The following COL18A1 variants were observed in gnomAD, a reference collection of about 807,000 sequenced individuals.
COL18A1 encodes the protein collagen alpha-1(XVIII) chain.
COL18A1 carries 133 observed loss-of-function variants against 168.0 expected under a neutral mutation model. The observed-to-expected ratio is 0.79, with a 90% CI of 0.69 to 0.91. COL18A1 has a LOEUF of 0.91. Among genes scored for constraint, COL18A1 ranks in the 40% least tolerant of loss-of-function variants. The pLI, the probability that COL18A1 is intolerant of heterozygous loss-of-function variation, is 0.00. For synonymous variants in COL18A1, 949 were observed against 809.0 expected, an observed-to-expected ratio of 1.17 and a Z score of -2.94; for missense variants, 2,126 against 1,925.4, an observed-to-expected ratio of 1.10 and a Z score of -1.95.
chr21:45,490,280 A>G lies in COL18A1; in HGVS notation c.1965A>G (p.Glu655=). The change falls in exon 20 of 42, where the codon GAA becomes GAG. Residue 655 remains glutamate, a synonymous_variant. Transcript: ENST00000651438. ...GVPGLPGAKG[E]VGADGVPGFP... The stretch of plus-strand genomic sequence containing the variant: ...CCTCCATGTGACCCTTTCAGGGAGA[A>G]GTTGGAGCAGATGGAGTCCCCGGGT... 6.3e-7 allele frequency: 1 copy of G among 1,582,498 alleles called. No homozygotes were observed. Among genetic ancestry groups the G allele is most frequent in the South Asian group, 1.2e-5 (1 of 86,866 alleles).
chr21:45,427,605 C>T (rs2033842247), intron 2 of COL18A1, among the ~76,000 whole-genome samples: 1 of 152,204 alleles, frequency 6.6e-6, no homozygotes, highest in African/African-American at 2.4e-5. Context: ...GGGCGGGGAG[C>T]GGAATTCTCC....
intron 18 of COL18A1, 65 bp downstream of exon 18, chr21:45,488,509 C>G: frequency 3.7e-6 from 6 of 1,610,864 alleles, no homozygotes; most frequent in Non-Finnish European, 5.1e-6. Context: ...CATCTTGGGG[C>G]TGGGGGAGAC....
At chr21:45,476,625 CGTGTTTGTGTGAAATATATGGCAG>C (rs1252456838) in intron 6 of COL18A1, 145 bp downstream of exon 6, 1 of 1,050,474 alleles carries the variant, frequency 9.5e-7, no homozygotes, top group African/African-American at 1.6e-5. Context: ...TGATATGGCA[CGTGTTTGTGTGAAATATATGGCAG>C]GTGTTTGATG....
intron 2 of COL18A1, among the ~76,000 whole-genome samples, chr21:45,444,258 G>C (rs978469888): frequency 2.0e-5 from 3 of 152,188 alleles, no homozygotes; most frequent in Non-Finnish European, 1.5e-5. Flanking sequence ...CGAGCAGGCT[G>C]GGCTTGCAGC....
rs576415846 is a variant in COL18A1 at position 45,470,544 on chromosome 21, T to TG, written c.651+1762dup. The stretch of plus-strand genomic sequence containing the variant: ...CTCTGTTGCTCAGGCTGGAGTGCAA[T>TG]GGGGTGATCTCGGCTCACTGCAACC... On this transcript the variant is annotated intron_variant, in intron 3 of 41. Coordinates refer to ENST00000651438, the MANE Select transcript of COL18A1 (RefSeq NM_001379500.1). Among the ~76,000 whole-genome samples, 645 of 146,104 alleles carry TG rather than the reference T, an allele frequency of 4.4e-3. 6 individuals are homozygous for TG. Among genetic ancestry groups the TG allele is most frequent in the Non-Finnish European group, 6.7e-3 (447 of 66,728 alleles).
chr21:45,438,130 GCACACA>G (rs199911477), intron 2 of COL18A1, among the ~76,000 whole-genome samples: 5 of 76,160 alleles, frequency 6.6e-5, no homozygotes, highest in Non-Finnish European at 1.2e-4. Flanking sequence ...GCACTCTCCT[GCACACA>G]CACACTCACT....
intron 2 of COL18A1, chr21:45,456,255 C>G (rs757523045): frequency 1.3e-6 from 2 of 1,565,728 alleles, no homozygotes; most frequent in African/African-American, 2.7e-5. Flanking sequence ...CAAGGACTCT[C>G]GCCCGCCGCA....
chr21:45,442,763 T>G (rs1457216757), intron 2 of COL18A1, among the ~76,000 whole-genome samples: 2 of 99,812 alleles, frequency 2.0e-5, no homozygotes, highest in African/African-American at 5.3e-5. Context: ...TGGGCAGCGG[T>G]GCTGGTGTGG....
chr21:45,482,726 C>A, intron 14 of COL18A1, 69 bp from the exon 15 acceptor site: 1 of 1,610,474 alleles, frequency 6.2e-7, no homozygotes, highest in Non-Finnish European at 8.5e-7. Context: ...CCTGGCAGGG[C>A]GATGTGCCTT....
intron 2 of COL18A1, among the ~76,000 whole-genome samples, chr21:45,459,332 C>T (rs1057013572): frequency 2.1e-5 from 3 of 144,024 alleles, no homozygotes; most frequent in African/African-American, 3.0e-5. Flanking sequence ...GGGCAGACTT[C>T]GAGGCCCCGA....
At chr21:45,503,309 C>T (rs1568938412) in intron 32 of COL18A1, among the ~76,000 whole-genome samples, 1 of 152,086 alleles carries the variant, frequency 6.6e-6, no homozygotes, top group Non-Finnish European at 1.5e-5. Context: ...ATTTGCATTT[C>T]TCTGATGGCC....
intron 2 of COL18A1, among the ~76,000 whole-genome samples, chr21:45,414,422 C>T (rs1177143944): frequency 6.6e-6 from 1 of 152,248 alleles, no homozygotes; most frequent in South Asian, 2.1e-4. Flanking sequence ...GTTAGTCACA[C>T]GTTTCTATTG....
chr21:45,509,616 A>C lies in COL18A1; in HGVS notation c.3495+15A>C, dbSNP rs1248850443. 1.5e-6 allele frequency: 2 copies of C among 1,379,120 alleles called. No homozygotes were observed. The highest frequency in any genetic ancestry group is 1.2e-5 in the South Asian group (1 of 80,954). The allele number at this position is 1,379,120 out of a possible 1,614,324, so 85.4% of individuals were successfully genotyped here. On this transcript the variant is annotated intron_variant, in intron 39 of 41. Coordinates refer to ENST00000651438, the MANE Select transcript of COL18A1 (RefSeq NM_001379500.1). Reference sequence around the variant, plus strand: ...TCCAGCCGGTGGTGAGTGCCCCCCCAAAGTGGGCTTGGCTCCATCTAGCCC... The same window carrying C: ...TCCAGCCGGTGGTGAGTGCCCCCCCCAAGTGGGCTTGGCTCCATCTAGCCC...
At chr21:45,470,423 G>GTTT (rs1391515078) in intron 3 of COL18A1, among the ~76,000 whole-genome samples, 4 of 31,242 alleles carry the variant, frequency 1.3e-4, no homozygotes, top group East Asian at 8.0e-4. Context: ...TTTTTACCTT[G>GTTT]TCTTTTTTTT....
At chr21:45,436,585 G>C (rs943488224) in intron 2 of COL18A1, among the ~76,000 whole-genome samples, 1 of 152,152 alleles carries the variant, frequency 6.6e-6, no homozygotes, top group Non-Finnish European at 1.5e-5. Context: ...CCATTGGGGA[G>C]GGGACCATGG....
intron 9 of COL18A1, among the ~76,000 whole-genome samples, chr21:45,479,383 C>T (rs568225421): frequency 7.9e-5 from 12 of 151,362 alleles, no homozygotes; most frequent in Admixed American, 2.6e-4. Context: ...CACAGGTGGA[C>T]GCATGCACAC....
At chr21:45,494,502 C>T (rs1301246113) in intron 26 of COL18A1, 43 bp from the exon 27 acceptor site, 4 of 1,613,022 alleles carry the variant, frequency 2.5e-6, no homozygotes, top group Non-Finnish European at 1.7e-6. Flanking sequence ...CCAGGTGGGG[C>T]ACAAGCTGCC....
chr21:45,446,149 T>G (rs1048776567), intron 2 of COL18A1, among the ~76,000 whole-genome samples: 1 of 152,228 alleles, frequency 6.6e-6, no homozygotes, highest in African/African-American at 2.4e-5. Context: ...TTTGCGTGTA[T>G]CTGTTCGTTG....
At chr21:45,483,662 G>A (rs1034991961) in intron 15 of COL18A1, among the ~76,000 whole-genome samples, 4 of 147,436 alleles carry the variant, frequency 2.7e-5, no homozygotes, top group African/African-American at 1.0e-4. Context: ...TGTCCAAAAC[G>A]TCAGGAGCTC....
Sources: gnomAD v4.1 joint callset for allele counts (sites outside exome capture counted in the v4.1 genomes callset) on GRCh38, gnomAD v4.1.1 for gene constraint, MANE v1.5 for transcripts, NCBI Gene and HGNC (gene_info 2026-07-23, HGNC 2026-07-21) for gene names.